Variants in NID1 observed in about 807,000 individuals in gnomAD.
The protein encoded by NID1 is nidogen-1.
In NID1, 76 loss-of-function variants were observed where a neutral mutation model predicts 130.6. The observed-to-expected ratio is 0.58, with a 90% CI of 0.48 to 0.70. The LOEUF (loss-of-function observed/expected upper bound fraction) is 0.70. Ranked by LOEUF, NID1 falls within the 30% of genes least tolerant of loss-of-function variation. The pLI is 0.00. For synonymous variants in NID1, 665 were observed against 675.1 expected, an observed-to-expected ratio of 0.98 and a Z score of 0.23; for missense variants, 1,517 against 1,664.8, an observed-to-expected ratio of 0.91 and a Z score of 1.54.
At chr1:236,000,090 T>A (rs1443907359) in intron 12 of NID1, among the ~76,000 whole-genome samples, 2 of 152,110 alleles carry the variant, frequency 1.3e-5, no homozygotes, top group Non-Finnish European at 2.9e-5. Flanking sequence ...GATGGGCGCC[T>A]GTAATCCTAG....
chr1:235,990,878 G>T lies in NID1; in HGVS notation c.2928+8C>A, dbSNP rs1657713837. On this transcript the variant is annotated splice_region_variant and intron_variant, in intron 14 of 19. Transcript: ENST00000264187. The stretch of plus-strand genomic sequence containing the variant: ...AGCTGTCACCAGGTATAATCAGCCA[G>T]CACTCACCGGGACATGAAGGAACGC... 1 of 1,613,910 alleles carries T rather than the reference G, an allele frequency of 6.2e-7. No individual in the cohort carries two copies. Among genetic ancestry groups the T allele is most frequent in the Non-Finnish European group, 8.5e-7 (1 of 1,179,954 alleles).
intron 10 of NID1, 56 bp from the exon 11 acceptor site, chr1:236,013,616 A>G: frequency 6.2e-7 from 1 of 1,605,996 alleles, no homozygotes; most frequent in Non-Finnish European, 8.5e-7. Flanking sequence ...TGAGCAGGCC[A>G]CATGCCCCTC....
chr1:235,980,578 C>T lies in NID1; in HGVS notation c.3303G>A (p.Arg1101=). Residue 1101 remains arginine, a synonymous_variant, in exon 17 of 20, where the codon AGG becomes AGA. Coordinates refer to ENST00000264187, the MANE Select transcript of NID1 (RefSeq NM_002508.3). ...ETSYMDGTNR[R]ILVQDDLGLP... is the part of the protein sequence containing the mutation. ...AGCCCAGGTCATCCTGCACAAGGATCCTCCGGTTCGTGCCGTCCATGTAGG... is the reference window on the plus strand; with the variant it reads ...AGCCCAGGTCATCCTGCACAAGGATTCTCCGGTTCGTGCCGTCCATGTAGG... 6.2e-7 allele frequency: 1 copy of T among 1,614,228 alleles called. No individual in the cohort carries two copies. The highest frequency in any genetic ancestry group is 8.5e-7 in the Non-Finnish European group (1 of 1,180,036).
At chr1:235,990,514 C>T (rs946793562) in intron 14 of NID1, among the ~76,000 whole-genome samples, 5 of 152,138 alleles carry the variant, frequency 3.3e-5, no homozygotes, top group East Asian at 1.9e-4. Context: ...CAGATAAAAC[C>T]GAATGGCTTT....
chr1:236,062,938 G>A (rs556364324), intron 1 of NID1, among the ~76,000 whole-genome samples: 7 of 149,990 alleles, frequency 4.7e-5, no homozygotes, highest in Non-Finnish European at 7.4e-5. Context: ...GGTGAATCAC[G>A]AGGTCAGGAG....
At chr1:236,054,831 A>G (rs1055697338) in intron 1 of NID1, among the ~76,000 whole-genome samples, 2 of 151,674 alleles carry the variant, frequency 1.3e-5, no homozygotes, top group Admixed American at 1.3e-4. Flanking sequence ...TAGTGGACAC[A>G]GGGTTTCACC....
chr1:236,045,406 A>C, intron 3 of NID1, 51 bp downstream of exon 3: 1 of 1,306,710 alleles, frequency 7.7e-7, no homozygotes, highest in Non-Finnish European at 1.1e-6. Flanking sequence ...TACATTATCC[A>C]CATTAAAAAA....
intron 9 of NID1, among the ~76,000 whole-genome samples, chr1:236,020,394 G>C (rs1419796084): frequency 6.6e-6 from 1 of 152,130 alleles, no homozygotes; most frequent in Non-Finnish European, 1.5e-5. Context: ...GAGGAGAAGA[G>C]TCTCATTACC....
At chr1:236,036,583 C>T (rs565574583) in intron 5 of NID1, among the ~76,000 whole-genome samples, 1 of 152,304 alleles carries the variant, frequency 6.6e-6, no homozygotes, top group South Asian at 2.1e-4. Flanking sequence ...GCTTGAATGT[C>T]CCCTCCAAAA....
At chr1:236,002,902 C>T (rs546941420) in intron 12 of NID1, among the ~76,000 whole-genome samples, 1 of 152,280 alleles carries the variant, frequency 6.6e-6, no homozygotes, top group African/African-American at 2.4e-5. Flanking sequence ...TCAACTCCCC[C>T]ATTTGCCTGA....
At position 235,980,554 on chromosome 1, in the gene NID1, G is replaced by A. The variant is rs1657407727; in HGVS notation, c.3327C>T (p.Gly1109=). 3.1e-6 allele frequency: 5 copies of A among 1,614,080 alleles called. No homozygotes were observed. The highest frequency in any genetic ancestry group is 1.7e-5 in the Admixed American group (1 of 60,010). Reference sequence around the variant, plus strand: ...CATCGAAGGTCAGTCCATTGGGCAAGCCCAGGTCATCCTGCACAAGGATCC... The same window carrying A: ...CATCGAAGGTCAGTCCATTGGGCAAACCCAGGTCATCCTGCACAAGGATCC... ...NRRILVQDDL[G]LPNGLTFDAF... Residue 1109 remains glycine, a synonymous_variant, in exon 17 of 20, where the codon GGC becomes GGT. Coordinates refer to ENST00000264187, the MANE Select transcript of NID1 (RefSeq NM_002508.3).
At chr1:236,008,058 C>A (rs907714919) in intron 12 of NID1, among the ~76,000 whole-genome samples, 1 of 152,158 alleles carries the variant, frequency 6.6e-6, no homozygotes, top group African/African-American at 2.4e-5. Context: ...ATGCACTCAC[C>A]CATGCACATA....
chr1:236,042,220 C>T lies in NID1; in HGVS notation c.825G>A (p.Val275=). ...CAGTTCCGAGGATCACGTCTGCAGGCACCACGCCATTGGTGGTGGCTGGAC... is the reference window on the plus strand; with the variant it reads ...CAGTTCCGAGGATCACGTCTGCAGGTACCACGCCATTGGTGGTGGCTGGAC... ...IGSPATTNGV[V]PADVILGTED... Residue 275 remains valine, a synonymous_variant, in exon 4 of 20, where the codon GTG becomes GTA. Transcript: ENST00000264187. The T allele has an allele frequency of 6.2e-7, 1 of 1,612,572 alleles. No individual in the cohort carries two copies. The highest frequency in any genetic ancestry group is 1.7e-5 in the Admixed American group (1 of 60,020).
Position 236,013,559 on chromosome 1 carries a change from A to T in NID1, c.2256T>A (p.Ala752=), listed in dbSNP as rs924411382. 3.7e-6 allele frequency: 6 copies of T among 1,614,080 alleles called. No individual in the cohort carries two copies. The highest frequency in any genetic ancestry group is 1.3e-5 in the African/African-American group (1 of 74,938). ...AGTTGATGGGGCGCTGGTCCACGAC[A>T]GCTTCAGAACAAAAGGTTGATGCAC... ...YQFSDEGTCV[A]VVDQRPINYC... is the part of the protein sequence containing the mutation. Residue 752 remains alanine, a splice_region_variant and synonymous_variant, in exon 11 of 20, where the codon GCT becomes GCA. Transcript: ENST00000264187.
intron 3 of NID1, among the ~76,000 whole-genome samples, chr1:236,042,616 A>C (rs1211804482): frequency 2.0e-5 from 3 of 152,208 alleles, no homozygotes; most frequent in Non-Finnish European, 4.4e-5. Flanking sequence ...GCTCTACCTT[A>C]TGAGCTAAGG....
At chr1:235,994,002 T>C (rs1232225015) in intron 12 of NID1, 130 bp from the exon 13 acceptor site, 3 of 712,116 alleles carry the variant, frequency 4.2e-6, no homozygotes, top group Non-Finnish European at 6.9e-6. Flanking sequence ...GGGTTTTGTT[T>C]CATCAGTTAT....
At chr1:235,999,239 T>C (rs1658010850) in intron 12 of NID1, among the ~76,000 whole-genome samples, 1 of 152,262 alleles carries the variant, frequency 6.6e-6, no homozygotes, top group Non-Finnish European at 1.5e-5. Context: ...GCAGTAAGCG[T>C]TGTTCCATTT....
chr1:236,026,020 G>A lies in NID1; in HGVS notation c.1860C>T (p.His620=), dbSNP rs374028475. The A allele has an allele frequency of 2.7e-5, 44 of 1,613,484 alleles. No individual in the cohort carries two copies. The highest frequency in any genetic ancestry group is 1.1e-4 in the African/African-American group (8 of 74,772). Residue 620 remains histidine, a synonymous_variant, in exon 8 of 20, where the codon CAC becomes CAT. Transcript: ENST00000264187. ...TGGGCAGGGCTGGCCGGGAGTCATCGTGGACGCATTCCTGGAAGGTGATGG... is the reference window on the plus strand; with the variant it reads ...TGGGCAGGGCTGGCCGGGAGTCATCATGGACGCATTCCTGGAAGGTGATGG... ...RQTITFQECV[H]DDSRPALPST...
In NID1 at chr1:236,021,779, G is replaced by A. The variant is rs143942311; in HGVS notation, c.2128+2291C>T. ...ATTGCAGACTTAAACAGCACTGCTC[G>A]AAGCACTTGGCATTCTTGCCCTTAG... On this transcript the variant is annotated intron_variant, in intron 9 of 19. Coordinates refer to ENST00000264187, the MANE Select transcript of NID1 (RefSeq NM_002508.3). 3.9e-5 allele frequency among the ~76,000 whole-genome samples: 6 copies of A among 152,286 alleles called. No homozygotes were observed. The East Asian group carries it at 7.7e-4, about 20-fold the overall frequency.
Sources: gnomAD v4.1 joint callset for allele counts (sites outside exome capture counted in the v4.1 genomes callset) on GRCh38, gnomAD v4.1.1 for gene constraint, MANE v1.5 for transcripts, NCBI Gene and HGNC (gene_info 2026-07-23, HGNC 2026-07-21) for gene names.